The following NTM variants were observed in gnomAD, a reference collection of about 807,000 sequenced individuals.
The protein encoded by NTM is IgLON family member 2.
In NTM, 13 loss-of-function variants were observed where a neutral mutation model predicts 42.1. The ratio of observed to expected loss-of-function variants is 0.31; its 90% CI spans 0.20 to 0.49. NTM has a LOEUF of 0.49. Among genes scored for constraint, NTM ranks in the 20% least tolerant of loss-of-function variants. The pLI, the probability that NTM is intolerant of heterozygous loss-of-function variation, is 0.99. For synonymous variants in NTM, 187 were observed against 179.2 expected (o/e 1.04, Z -0.35); for missense variants, 373 against 452.8 (o/e 0.82, Z 1.60).
At chr11:132,091,124 C>G (rs1253142754) in intron 2 of NTM, among the ~76,000 whole-genome samples, 1 of 152,128 alleles carries the variant, frequency 6.6e-6, no homozygotes, top group Non-Finnish European at 1.5e-5. Flanking sequence ...GGTGAGAAAC[C>G]CTAGCTTATA....
intron 1 of NTM, among the ~76,000 whole-genome samples, chr11:131,650,009 A>G (rs1269412854): frequency 1.3e-5 from 2 of 152,178 alleles, no homozygotes; most frequent in Non-Finnish European, 2.9e-5. Flanking sequence ...CACACCACAG[A>G]CAGTTACACA....
chr11:131,678,004 C>A (rs1439348679), intron 1 of NTM, among the ~76,000 whole-genome samples: 2 of 152,192 alleles, frequency 1.3e-5, no homozygotes. Context: ...TGCTAATAGG[C>A]TCCAGAGTCA....
At chr11:131,988,028 G>T (rs2066371622) in intron 2 of NTM, among the ~76,000 whole-genome samples, 1 of 152,226 alleles carries the variant, frequency 6.6e-6, no homozygotes, top group African/African-American at 2.4e-5. Context: ...TCACAGTCTG[G>T]AGGCTGGGAA....
At chr11:131,743,473 C>T (rs892211106) in intron 1 of NTM, among the ~76,000 whole-genome samples, 1 of 152,090 alleles carries the variant, frequency 6.6e-6, no homozygotes, top group South Asian at 2.1e-4. Context: ...ATAAATTATA[C>T]CACTAGAACC....
intron 1 of NTM, among the ~76,000 whole-genome samples, chr11:131,684,840 C>T (rs3851093): frequency 0.034 from 5,234 of 152,320 alleles, 111 homozygotes; most frequent in Non-Finnish European, 0.047. Flanking sequence ...TGTAGGACAA[C>T]GACACTCCCA....
intron 4 of NTM, among the ~76,000 whole-genome samples, chr11:132,239,477 C>T (rs1037587710): frequency 2.0e-5 from 3 of 152,134 alleles, no homozygotes; most frequent in African/African-American, 7.2e-5. Context: ...TAAGGTGGGG[C>T]TGTTATGTTT....
At chr11:131,923,202 T>C (rs1244426961) in intron 2 of NTM, among the ~76,000 whole-genome samples, 2 of 152,190 alleles carry the variant, frequency 1.3e-5, no homozygotes, top group Non-Finnish European at 2.9e-5. Context: ...TGTCTTCTGT[T>C]ATTTATGTAT....
chr11:131,513,228 C>T (rs1380391528), intron 1 of NTM, among the ~76,000 whole-genome samples: 1 of 152,216 alleles, frequency 6.6e-6, no homozygotes, highest in Non-Finnish European at 1.5e-5. Context: ...GTAGATCCTG[C>T]TTTCCAGACA....
intron 1 of NTM, among the ~76,000 whole-genome samples, chr11:131,892,848 C>CA (rs1042733774): frequency 3.0e-4 from 45 of 152,366 alleles, no homozygotes; most frequent in African/African-American, 9.9e-4. Flanking sequence ...GAAGGCCCCA[C>CA]AGCAGGGCCA....
intron 2 of NTM, among the ~76,000 whole-genome samples, chr11:131,962,200 T>A (rs886301581): frequency 4.1e-4 from 63 of 152,108 alleles, no homozygotes; most frequent in Non-Finnish European, 1.0e-4. Context: ...CCTCTCATAA[T>A]CATCTTTCTC....
chr11:131,523,282 A>C (rs997659195), intron 1 of NTM, among the ~76,000 whole-genome samples: 8 of 152,252 alleles, frequency 5.3e-5, no homozygotes, highest in African/African-American at 1.7e-4. Context: ...ACTAGTTGTC[A>C]GAGGTGGGTT....
intron 3 of NTM, among the ~76,000 whole-genome samples, chr11:132,153,325 CT>C (rs2072403220): frequency 6.6e-6 from 1 of 152,116 alleles, no homozygotes; most frequent in African/African-American, 2.4e-5. Context: ...AGATGTATGC[CT>C]TTAGACTCCC....
intron 2 of NTM, among the ~76,000 whole-genome samples, chr11:131,915,939 G>T (rs1480030017): frequency 6.6e-6 from 1 of 152,190 alleles, no homozygotes; most frequent in African/African-American, 2.4e-5. Flanking sequence ...TTTGGGTGGG[G>T]ACACAGCCAG....
chr11:131,387,940 T>G (rs1943531979), intron 1 of NTM, among the ~76,000 whole-genome samples: 1 of 152,220 alleles, frequency 6.6e-6, no homozygotes, highest in Non-Finnish European at 1.5e-5. Flanking sequence ...CTAGCATCAT[T>G]AGACCAGGAC....
intron 2 of NTM, among the ~76,000 whole-genome samples, chr11:131,931,219 G>A (rs1022849012): frequency 6.6e-6 from 1 of 152,100 alleles, no homozygotes; most frequent in Admixed American, 6.5e-5. Context: ...AGGCTGAGGT[G>A]GGTGGATCAC....
chr11:131,424,600 C>CTTTTCTTTTTTTTCTTTTTT (rs1555108116), intron 1 of NTM, among the ~76,000 whole-genome samples: 1 of 56,052 alleles, frequency 1.8e-5, no homozygotes, highest in Non-Finnish European at 3.2e-5. Context: ...CTTTTCTTTT[C>CTTTTCTTTTTTTTCTTTTTT]TTTTTTTTTT....
chr11:131,384,785 G>T (rs1943110268), intron 1 of NTM, among the ~76,000 whole-genome samples: 1 of 152,202 alleles, frequency 6.6e-6, no homozygotes, highest in Non-Finnish European at 1.5e-5. Flanking sequence ...TTGAGAATAT[G>T]CATTATGATT....
chr11:132,260,021 G>C (rs998930373), intron 4 of NTM, among the ~76,000 whole-genome samples: 1 of 152,146 alleles, frequency 6.6e-6, no homozygotes, highest in Admixed American at 6.5e-5. Flanking sequence ...GAAGGCATTT[G>C]CCTGGGTGGC....
intron 1 of NTM, among the ~76,000 whole-genome samples, chr11:131,567,186 G>C (rs970399029): frequency 6.6e-6 from 1 of 151,960 alleles, no homozygotes; most frequent in African/African-American, 2.4e-5. Flanking sequence ...GATGCTTGGT[G>C]GGAAACCTAA....
Sources: gnomAD v4.1 joint callset for allele counts (sites outside exome capture counted in the v4.1 genomes callset) on GRCh38, gnomAD v4.1.1 for gene constraint, MANE v1.5 for transcripts, NCBI Gene and HGNC (gene_info 2026-07-23, HGNC 2026-07-21) for gene names.